VPS53: variants seen among roughly 807,000 people sequenced by gnomAD.
VPS53 encodes vacuolar protein sorting-associated protein 53 homolog.
Under a neutral mutation model 107.0 loss-of-function variants are expected in VPS53, and 70 were observed. The observed-to-expected ratio is 0.65, with a 90% CI of 0.54 to 0.80. VPS53 has a LOEUF of 0.80. Among genes scored for constraint, VPS53 ranks in the 30% least tolerant of loss-of-function variants. VPS53 has a pLI of 0.00. For missense variants in VPS53, 917 were observed against 1,049.4 expected, an observed-to-expected ratio of 0.87 and a Z score of 1.74; for synonymous variants, 409 against 393.3, an observed-to-expected ratio of 1.04 and a Z score of -0.47.
At position 567,504 on chromosome 17, in the gene VPS53, C is replaced by CT. The variant is rs56006720; in HGVS notation, c.1314-4760dup. ...TACATGATCCAATCTGATCACATTTCTTTTTTTTTTTTTTGAGACAGAGTA... is the reference window on the plus strand; with the variant it reads ...TACATGATCCAATCTGATCACATTTCTTTTTTTTTTTTTTTGAGACAGAGTA... On this transcript the variant is annotated intron_variant, in intron 13 of 21. Transcript: ENST00000437048. Among the ~76,000 whole-genome samples the CT allele has an allele frequency of 3.8e-3, 555 of 145,128 alleles. 2 individuals are homozygous for CT. The highest frequency in any genetic ancestry group is 0.016 in the East Asian group (80 of 4,934).
rs75577292 is a variant in VPS53 at position 666,361 on chromosome 17, T to G, written c.286-4466A>C. Reference sequence around the variant, plus strand: ...AAGGAAAGAGTGATTGTGCCTTCTGTTGTTAAACACTCATGTAAGAGGCTG... The same window carrying G: ...AAGGAAAGAGTGATTGTGCCTTCTGGTGTTAAACACTCATGTAAGAGGCTG... On this transcript the variant is annotated intron_variant, in intron 4 of 21. Coordinates refer to ENST00000437048, the MANE Select transcript of VPS53 (RefSeq NM_001128159.3). Among the ~76,000 whole-genome samples the G allele has an allele frequency of 3.5e-4, 53 of 152,228 alleles. No homozygotes were observed. In the East Asian group the frequency reaches 9.5e-3, roughly 27 times the overall value.
chr17:630,309 AAAC>A (rs1969900528), intron 8 of VPS53, among the ~76,000 whole-genome samples: 1 of 151,574 alleles, frequency 6.6e-6, no homozygotes, highest in African/African-American at 2.4e-5. Flanking sequence ...ACAAACAAAC[AAAC>A]AAAAAAAAAA....
At chr17:558,404 C>A (rs937206138) in intron 15 of VPS53, among the ~76,000 whole-genome samples, 1 of 151,762 alleles carries the variant, frequency 6.6e-6, no homozygotes, top group Non-Finnish European at 1.5e-5. Flanking sequence ...GAGGCCAAGA[C>A]GGGCAGATCA....
intron 11 of VPS53, among the ~76,000 whole-genome samples, chr17:610,569 G>C (rs78334012): frequency 0.019 from 2,930 of 152,156 alleles, 32 homozygotes; most frequent in Middle Eastern, 0.031. Context: ...AAAACCCACA[G>C]ATGGGAGAAA....
At chr17:528,350 T>C (rs8072041) in intron 19 of VPS53, among the ~76,000 whole-genome samples, 30,929 of 152,142 alleles carry the variant, frequency 0.2, 6,536 homozygotes, top group African/African-American at 0.52. Flanking sequence ...AGTCACACAA[T>C]AGGTGGCTTT....
chr17:698,534 ATC>A (rs934929269), intron 3 of VPS53, among the ~76,000 whole-genome samples: 2 of 151,952 alleles, frequency 1.3e-5, no homozygotes, highest in Non-Finnish European at 2.9e-5. Context: ...GCGAAACCCC[ATC>A]TCTACAAAAA....
chr17:589,813 T>C (rs528996493), intron 12 of VPS53, among the ~76,000 whole-genome samples: 3 of 152,302 alleles, frequency 2.0e-5, no homozygotes, highest in East Asian at 1.9e-4. Context: ...GGTAGTGTGA[T>C]GCCTCCAGCT....
At chr17:692,110 C>A (rs1171332023) in intron 4 of VPS53, among the ~76,000 whole-genome samples, 1 of 152,144 alleles carries the variant, frequency 6.6e-6, no homozygotes, top group Non-Finnish European at 1.5e-5. Context: ...CTGATCCTCT[C>A]CTGTGAGTCT....
At chr17:615,255 G>A (rs906541366) in intron 11 of VPS53, among the ~76,000 whole-genome samples, 6 of 152,330 alleles carry the variant, frequency 3.9e-5, no homozygotes, top group Middle Eastern at 3.4e-3. Flanking sequence ...CGTGAAACTG[G>A]TTAAGCAACA....
At chr17:616,732 C>G (rs1969154239) in intron 11 of VPS53, 1 of 152,316 alleles carries the variant, frequency 6.6e-6, no homozygotes, top group Admixed American at 6.5e-5. Context: ...AAAGCATTGT[C>G]TTTGCAAACT....
chr17:575,497 C>T (rs1012383696), intron 13 of VPS53, among the ~76,000 whole-genome samples: 2 of 152,034 alleles, frequency 1.3e-5, no homozygotes, highest in Non-Finnish European at 2.9e-5. Context: ...TCCCTCAGAA[C>T]CTCAATGCGT....
intron 7 of VPS53, 110 bp from the exon 8 acceptor site, chr17:631,738 T>A: frequency 1.1e-6 from 1 of 912,294 alleles, no homozygotes; most frequent in Non-Finnish European, 1.7e-6. Context: ...CCAGGAAGGG[T>A]ACAGAGACGT....
intron 13 of VPS53, among the ~76,000 whole-genome samples, chr17:580,319 T>G (rs1267223368): frequency 6.6e-6 from 1 of 150,816 alleles, no homozygotes; most frequent in Admixed American, 6.6e-5. Context: ...AGAACCTCCC[T>G]CAGAACCTCA....
chr17:524,048 C>T lies in VPS53; in HGVS notation c.2086-2310G>A, dbSNP rs1370369168. 6.6e-6 allele frequency among the ~76,000 whole-genome samples: 1 copy of T among 152,138 alleles called. No homozygotes were observed. The highest frequency in any genetic ancestry group is 1.5e-5 in the Non-Finnish European group (1 of 68,024). On this transcript the variant is annotated intron_variant, in intron 19 of 21. Coordinates refer to ENST00000437048, the MANE Select transcript of VPS53 (RefSeq NM_001128159.3). The surrounding 1 kb of genome is among the most constrained non-coding windows in gnomAD (Gnocchi z 4.5). ...GCGCAGTGGCTCATGCCTGTAATCC[C>T]AGCATTTTGGGAGGCCGAGGCGGGT...
In VPS53 at chr17:699,403, C is replaced by A. The variant is rs200196124; in HGVS notation, c.169-23G>T. On this transcript the variant is annotated intron_variant, in intron 2 of 21. Coordinates refer to ENST00000437048, the MANE Select transcript of VPS53 (RefSeq NM_001128159.3). ...AGACTACAATAAAGAAGGAAGAGTG[C>A]CCAGCTGTTAGTCCACTTCCTGGAA... The A allele has an allele frequency of 3.9e-4, 605 of 1,534,512 alleles. No homozygotes were observed. The African/African-American group carries it at 8.0e-3, about 20-fold the overall frequency.
chr17:687,594 T>C (rs1183674168), intron 4 of VPS53, among the ~76,000 whole-genome samples: 15 of 146,360 alleles, frequency 1.0e-4, no homozygotes, highest in Non-Finnish European at 1.8e-4. Context: ...AAAAAAAAGA[T>C]GCGCATGGTG....
Position 562,579 on chromosome 17 carries a change from T to C in VPS53, c.1480A>G (p.Met494Val), listed in dbSNP as rs1005672973. 3 of 1,614,082 alleles carry C rather than the reference T, an allele frequency of 1.9e-6. No homozygotes were observed. Among genetic ancestry groups the C allele is most frequent in the Non-Finnish European group, 2.5e-6 (3 of 1,179,998 alleles). The change falls in exon 14 of 22, where the codon ATG becomes GTG. Residue 494 changes from methionine to valine, a missense_variant. Physicochemically the swap from Met to Val is conservative, Grantham distance 21. Transcript: ENST00000437048. The part of the protein sequence containing the change: ...QCSQLSTGEP[M>V]IALTTIFQKY... ...TGGAAAATGGTGGTCAGGGCGATCA[T>C]GGGCTCCCCAGTACTGAGCTGAGAG...
At position 513,336 on chromosome 17, in the gene VPS53, T is replaced by C. The variant is rs974020274; in HGVS notation, c.*5792A>G. ...TTTACACAAAGAAGCAATCCCTTTATTTTAAGGAAATTTATATCTCCCAAA... is the reference window on the plus strand; with the variant it reads ...TTTACACAAAGAAGCAATCCCTTTACTTTAAGGAAATTTATATCTCCCAAA... On this transcript the variant is annotated 3_prime_UTR_variant, in exon 22 of 22. Coordinates refer to ENST00000437048, the MANE Select transcript of VPS53 (RefSeq NM_001128159.3). The C allele has an allele frequency of 4.6e-5, 7 of 152,216 alleles. No homozygotes were observed. Among genetic ancestry groups the C allele is most frequent in the African/African-American group, 1.4e-4 (6 of 41,452 alleles). The allele number at this position is 152,216 out of a possible 1,614,324, so 9.4% of individuals were successfully genotyped here.
chr17:547,691 G>A (rs146537356), intron 17 of VPS53, among the ~76,000 whole-genome samples: 9 of 152,168 alleles, frequency 5.9e-5, no homozygotes, highest in Non-Finnish European at 1.3e-4. Context: ...AGGCTGGAGT[G>A]CAGTGCTGCA....
Sources: allele counts gnomAD v4.1 joint callset (sites outside exome capture counted in the v4.1 genomes callset), GRCh38; gene constraint gnomAD v4.1.1; non-coding constraint Gnocchi (gnomAD v3.1); transcripts MANE v1.5; gene names NCBI Gene and HGNC (gene_info 2026-07-23, HGNC 2026-07-21).